The following NUGGC variants were observed in gnomAD, a reference collection of about 807,000 sequenced individuals.
NUGGC encodes the protein nuclear GTPase SLIP-GC.
NUGGC carries 58 observed loss-of-function variants against 92.6 expected under a neutral mutation model. The ratio of observed to expected loss-of-function variants is 0.63; its 90% confidence interval spans 0.51 to 0.78. NUGGC has a LOEUF of 0.78. Ranked by LOEUF, NUGGC falls within the 30% of genes least tolerant of loss-of-function variation. The probability of loss-of-function intolerance (pLI) is 0.00; values close to 1 mark genes in which losing one functional copy is unlikely to be tolerated. For synonymous variants in NUGGC, 376 were observed against 366.4 expected, an observed-to-expected ratio of 1.03 and a Z score of -0.30; for missense variants, 925 against 964.6, an observed-to-expected ratio of 0.96 and a Z score of 0.54.
chr8:28,047,494 A>G lies in NUGGC; in HGVS notation c.1312+13T>C, dbSNP rs1191443190. ...AGAATTTTAGTGATGGAGATTTAAA[A>G]AACATAAATTACCCGTTTCCTCCTC... is the stretch of plus-strand genomic sequence containing the variant. On this transcript the variant is annotated intron_variant, in intron 11 of 18. Transcript: ENST00000413272. 2 of 1,494,410 alleles carry G rather than the reference A, an allele frequency of 1.3e-6. No individual in the cohort carries two copies. The highest frequency in any genetic ancestry group is 2.5e-5 in the East Asian group (1 of 40,736). The allele number at this position is 1,494,410 out of a possible 1,614,324, so 92.6% of individuals were successfully genotyped here.
intron 13 of NUGGC, among the ~76,000 whole-genome samples, chr8:28,034,545 G>A (rs977391964): frequency 1.3e-5 from 2 of 152,184 alleles, no homozygotes; most frequent in African/African-American, 4.8e-5. Context: ...GCCAGATGCA[G>A]TGGCTCATAC....
intron 11 of NUGGC, among the ~76,000 whole-genome samples, chr8:28,047,023 T>G (rs1809855576): frequency 6.6e-6 from 1 of 151,882 alleles, no homozygotes. Context: ...CAGGCTGTAG[T>G]GCAATGGCGC....
intron 13 of NUGGC, among the ~76,000 whole-genome samples, chr8:28,036,909 C>T (rs751471448): frequency 1.3e-5 from 2 of 152,162 alleles, no homozygotes; most frequent in Non-Finnish European, 2.9e-5. Context: ...GTTTGGAGTA[C>T]AGGTGCACAA....
At chr8:28,030,490 A>G in intron 15 of NUGGC, 72 bp from the exon 16 acceptor site, 1 of 762,774 alleles carries the variant, frequency 1.3e-6, no homozygotes, top group Non-Finnish European at 2.3e-6. Context: ...GTCCCAGTGC[A>G]TGGCCACCAT....
At chr8:28,031,418 G>A in intron 14 of NUGGC, 37 bp from the exon 15 acceptor site, 1 of 1,604,958 alleles carries the variant, frequency 6.2e-7, no homozygotes, top group Non-Finnish European at 8.5e-7. Flanking sequence ...TAAGAGAATG[G>A]TGGCTGCTGT....
At chr8:28,064,812 G>A in intron 6 of NUGGC, 81 bp from the exon 7 acceptor site, 1 of 1,193,426 alleles carries the variant, frequency 8.4e-7, no homozygotes, top group Non-Finnish European at 1.2e-6. Flanking sequence ...GCAGGTTCAT[G>A]GTAAGTATGC....
In NUGGC at chr8:28,031,176, A is replaced by G. The variant is rs144985793; in HGVS notation, c.1908+67T>C. The G allele has an allele frequency of 9.9e-5, 157 of 1,579,402 alleles. No homozygotes were observed. The African/African-American group carries it at 1.9e-3, about 19-fold the overall frequency. ...GAACAAGGGAACAGACAGGCAACCT[A>G]CAAAACTGGCCTGGGAAGAAAGCCA... On this transcript the variant is annotated intron_variant, in intron 15 of 18. Coordinates refer to ENST00000413272, the MANE Select transcript of NUGGC (RefSeq NM_001010906.2).
At chr8:28,062,509 C>T (rs975061942) in intron 7 of NUGGC, among the ~76,000 whole-genome samples, 3 of 151,926 alleles carry the variant, frequency 2.0e-5, no homozygotes, top group Admixed American at 6.6e-5. Context: ...CCCAGCTACT[C>T]GGGAGGCTGG....
Position 28,031,398 on chromosome 8 carries a change from C to CA in NUGGC, c.1770-18dup. On this transcript the variant is annotated splice_polypyrimidine_tract_variant and intron_variant, in intron 14 of 18. Coordinates refer to ENST00000413272, the MANE Select transcript of NUGGC (RefSeq NM_001010906.2). ...TTCCCCGTCCTACGGAAGAAAGTGA[C>CA]AAAAAAGTTTAAGAGAATGGTGGCT... The CA allele has an allele frequency of 6.2e-7, 1 of 1,607,970 alleles. No individual in the cohort carries two copies. The highest frequency in any genetic ancestry group is 1.1e-5 in the South Asian group (1 of 90,220).
At chr8:28,062,114 A>G (rs532203519) in intron 7 of NUGGC, among the ~76,000 whole-genome samples, 1 of 152,192 alleles carries the variant, frequency 6.6e-6, no homozygotes, top group Non-Finnish European at 1.5e-5. Context: ...GGCTCCATAC[A>G]TCACTGCTTA....
In NUGGC at chr8:28,068,156, A is replaced by C. The variant is rs534809489; in HGVS notation, c.480+60T>G. ...AAAGAAAGGAAGGAGGGAACGAAAA[A>C]GGAAGAAAGGAAGGAAAAAGGAAGG... On this transcript the variant is annotated intron_variant, in intron 5 of 18. Coordinates refer to ENST00000413272, the MANE Select transcript of NUGGC (RefSeq NM_001010906.2). 81 of 1,024,906 alleles carry C rather than the reference A, an allele frequency of 7.9e-5. 1 individual carries two copies. In the East Asian group the frequency reaches 2.1e-3, roughly 27 times the overall value. The allele number at this position is 1,024,906 out of a possible 1,614,324, so 63.5% of individuals were successfully genotyped here.
chr8:28,044,719 C>T (rs1211267951), intron 12 of NUGGC, among the ~76,000 whole-genome samples: 4 of 152,204 alleles, frequency 2.6e-5, no homozygotes, highest in Non-Finnish European at 5.9e-5. Context: ...AGACAGAAGG[C>T]TTCCTGGGCT....
At chr8:28,060,721 C>A in intron 7 of NUGGC, 120 bp from the exon 8 acceptor site, 3 of 786,924 alleles carry the variant, frequency 3.8e-6, no homozygotes, top group Non-Finnish European at 5.9e-6. Flanking sequence ...CGCTCCCCAC[C>A]GCACTCTGTG....
chr8:28,054,670 C>T (rs1244867365), intron 10 of NUGGC, among the ~76,000 whole-genome samples: 4 of 152,170 alleles, frequency 2.6e-5, no homozygotes, highest in Non-Finnish European at 5.9e-5. Flanking sequence ...AACACAGCAG[C>T]CTGTGTGAAC....
chr8:28,050,040 T>C (rs1289237762), intron 10 of NUGGC, among the ~76,000 whole-genome samples: 2 of 151,712 alleles, frequency 1.3e-5, no homozygotes, highest in Non-Finnish European at 2.9e-5. Flanking sequence ...TGAGCCATGA[T>C]CACGCCATTG....
At chr8:28,043,133 T>C (rs1308029510) in intron 12 of NUGGC, among the ~76,000 whole-genome samples, 1 of 152,160 alleles carries the variant, frequency 6.6e-6, no homozygotes, top group African/African-American at 2.4e-5. Context: ...AAAGAAGTCA[T>C]GGAAAGAAAA....
At position 28,068,157 on chromosome 8, in the gene NUGGC, G is replaced by T. The variant is rs142638039; in HGVS notation, c.480+59C>A. 395 of 1,044,016 alleles carry T rather than the reference G, an allele frequency of 3.8e-4. 1 individual carries two copies. The East Asian group carries it at 9.4e-3, about 25-fold the overall frequency. The allele number at this position is 1,044,016 out of a possible 1,614,324, so 64.7% of individuals were successfully genotyped here. ...AAGAAAGGAAGGAGGGAACGAAAAA[G>T]GAAGAAAGGAAGGAAAAAGGAAGGA... On this transcript the variant is annotated intron_variant, in intron 5 of 18. Transcript: ENST00000413272.
At chr8:28,056,941 A>C (rs1469340885) in intron 9 of NUGGC, among the ~76,000 whole-genome samples, 1 of 152,198 alleles carries the variant, frequency 6.6e-6, no homozygotes, top group East Asian at 1.9e-4. Flanking sequence ...GCAAATATCC[A>C]CTTAAAGCGC....
intron 18 of NUGGC, 97 bp downstream of exon 18, chr8:28,026,864 TA>T: frequency 1.2e-6 from 1 of 848,814 alleles, no homozygotes. Context: ...CTTAAATTCC[TA>T]AAATTTAAAG....
Sources: gnomAD v4.1 joint callset for allele counts (sites outside exome capture counted in the v4.1 genomes callset) on GRCh38, gnomAD v4.1.1 for gene constraint, MANE v1.5 for transcripts, NCBI Gene and HGNC (gene_info 2026-07-23, HGNC 2026-07-21) for gene names.